The following ADGRV1 variants were observed in gnomAD, a reference collection of about 807,000 sequenced individuals.
The protein encoded by ADGRV1 is G-protein coupled receptor 98.
Under a neutral mutation model 596.2 loss-of-function variants are expected in ADGRV1, and 359 were observed. The ratio of observed to expected loss-of-function variants is 0.60; its 90% CI spans 0.55 to 0.66. The LOEUF is 0.66. Ranked by LOEUF, ADGRV1 falls within the 30% of genes least tolerant of loss-of-function variation. ADGRV1 has a pLI of 0.00. For missense variants in ADGRV1, 7,274 were observed against 7,575.6 expected (o/e 0.96, Z 1.48); for synonymous variants, 2,681 against 2,679.2 (o/e 1.00, Z -0.02).
chr5:90,690,123 G>C, intron 30 of ADGRV1, 47 bp downstream of exon 30: 1 of 1,064,290 alleles, frequency 9.4e-7, no homozygotes, highest in Non-Finnish European at 1.4e-6. Flanking sequence ...TGCATGTATA[G>C]ATCATAGATA....
intron 17 of ADGRV1, among the ~76,000 whole-genome samples, chr5:90,649,885 A>G (rs558548143): frequency 2.6e-5 from 4 of 152,308 alleles, no homozygotes; most frequent in African/African-American, 9.6e-5. Flanking sequence ...AGAGAGAGAG[A>G]GAGGGAGAAC....
intron 87 of ADGRV1, among the ~76,000 whole-genome samples, chr5:91,119,641 A>G (rs1292443206): frequency 6.6e-6 from 1 of 152,226 alleles, no homozygotes; most frequent in African/African-American, 2.4e-5. Flanking sequence ...AACTTTTCTT[A>G]TCTTGACTTC....
In ADGRV1 at chr5:90,614,940, T is replaced by C; in HGVS notation, c.128T>C (p.Val43Ala). ...IRFTGQTEFV[V>A]NETSTTVIRL... ...TTTACTGGACAAACTGAATTTGTTG[T>C]TAATGAAACAAGTACAACAGTTATT... The change falls in exon 2 of 90, where the codon GTT becomes GCT. Residue 43 changes from valine (V) to alanine (A), a missense_variant. By Grantham distance (64) the Val-to-Ala change is moderately conservative (BLOSUM62 0). Transcript: ENST00000405460. The C allele has an allele frequency of 6.3e-7, 1 of 1,598,248 alleles. No individual in the cohort carries two copies. The highest frequency in any genetic ancestry group is 1.7e-4 in the Middle Eastern group (1 of 5,992).
At chr5:90,858,375 C>T (rs114324019) in intron 82 of ADGRV1, among the ~76,000 whole-genome samples, 1,636 of 152,272 alleles carry the variant, frequency 0.011, 32 homozygotes, top group African/African-American at 0.037. Context: ...CCTACTCTGC[C>T]TTCCCATAAC....
chr5:90,928,429 C>T (rs1774766187), intron 83 of ADGRV1, among the ~76,000 whole-genome samples: 1 of 150,922 alleles, frequency 6.6e-6, no homozygotes, highest in South Asian at 2.1e-4. Flanking sequence ...CGCATCGGCT[C>T]CTGAGGCTTC....
intron 87 of ADGRV1, among the ~76,000 whole-genome samples, chr5:91,133,639 G>A (rs369222005): frequency 6.6e-6 from 1 of 152,196 alleles, no homozygotes; most frequent in East Asian, 1.9e-4. Flanking sequence ...GGACGACAAT[G>A]TTACAAAGAC....
intron 83 of ADGRV1, among the ~76,000 whole-genome samples, chr5:90,956,356 C>T (rs1554172284): frequency 2.6e-5 from 4 of 152,014 alleles, no homozygotes; most frequent in Non-Finnish European, 5.9e-5. Flanking sequence ...TGTTCAACAA[C>T]AATAATGACA....
chr5:91,148,435 C>A (rs1461262145), intron 87 of ADGRV1, among the ~76,000 whole-genome samples: 1 of 152,198 alleles, frequency 6.6e-6, no homozygotes, highest in Non-Finnish European at 1.5e-5. Flanking sequence ...GGCCATTGCA[C>A]CAGAGGGTGC....
At chr5:91,102,075 C>A in intron 86 of ADGRV1, 144 bp from the exon 87 acceptor site, 1 of 712,526 alleles carries the variant, frequency 1.4e-6, no homozygotes, top group South Asian at 2.0e-5. Context: ...GTGCCTTCTC[C>A]CCTCTGGCAT....
At chr5:90,857,962 A>G (rs1170841727) in intron 82 of ADGRV1, among the ~76,000 whole-genome samples, 2 of 152,160 alleles carry the variant, frequency 1.3e-5, no homozygotes, top group Non-Finnish European at 2.9e-5. Context: ...GTAGATCACA[A>G]TGTATCGGTA....
intron 87 of ADGRV1, among the ~76,000 whole-genome samples, chr5:91,106,939 G>C (rs551262479): frequency 6.6e-6 from 1 of 152,308 alleles, no homozygotes; most frequent in South Asian, 2.1e-4. Context: ...AGCTCAAGAG[G>C]ACGCAATGCC....
chr5:90,645,818 A>G, intron 15 of ADGRV1, 150 bp from the exon 16 acceptor site: 2 of 471,742 alleles, frequency 4.2e-6, no homozygotes, highest in Non-Finnish European at 6.8e-6. Flanking sequence ...GTCTTACCTG[A>G]ATGTGTTAGG....
chr5:90,928,035 C>T (rs1410517413), intron 83 of ADGRV1, among the ~76,000 whole-genome samples: 3 of 152,194 alleles, frequency 2.0e-5, no homozygotes, highest in African/African-American at 7.2e-5. Flanking sequence ...TTGAGGGTAA[C>T]CCGACCTTTC....
chr5:90,604,504 G>A (rs1335166602), intron 1 of ADGRV1, among the ~76,000 whole-genome samples: 1 of 152,178 alleles, frequency 6.6e-6, no homozygotes, highest in African/African-American at 2.4e-5. Flanking sequence ...GTTGTTTTCA[G>A]TGAGATCTTA....
intron 83 of ADGRV1, among the ~76,000 whole-genome samples, chr5:90,883,346 T>C (rs1769975055): frequency 6.6e-6 from 1 of 152,182 alleles, no homozygotes; most frequent in Admixed American, 6.5e-5. Flanking sequence ...GCAGCAAATA[T>C]GTATTGATCC....
chr5:90,891,611 A>C (rs1431928003), intron 83 of ADGRV1, among the ~76,000 whole-genome samples: 3 of 151,936 alleles, frequency 2.0e-5, no homozygotes, highest in Non-Finnish European at 2.9e-5. Flanking sequence ...AAAACAATAA[A>C]ATATCCTATA....
At position 90,647,643 on chromosome 5, in the gene ADGRV1, A is replaced by C. The variant is rs746968764; in HGVS notation, c.3168A>C (p.Glu1056Asp). ...GAGAGAGAGATTTCATTCCTGTTGA[A>C]AAAGGAGAAACGCTCATTTTTGAGG... ...TARERDFIPV[E>D]KGETLIFEVG... The change falls in exon 17 of 90, where the codon GAA becomes GAC. Residue 1056 changes from glutamate to aspartate, a missense_variant. Physicochemically the swap from Glu to Asp is conservative, Grantham distance 45. Coordinates refer to ENST00000405460, the MANE Select transcript of ADGRV1 (RefSeq NM_032119.4). 28 of 1,613,874 alleles carry C rather than the reference A, an allele frequency of 1.7e-5. No homozygotes were observed. The highest frequency in any genetic ancestry group is 2.4e-5 in the Non-Finnish European group (28 of 1,179,892).
rs1768785844 is a variant in ADGRV1 at position 90,652,519 on chromosome 5, C to T, written c.3590C>T (p.Pro1197Leu). 2 of 1,612,262 alleles carry T rather than the reference C, an allele frequency of 1.2e-6. No individual in the cohort carries two copies. Among genetic ancestry groups the T allele is most frequent in the African/African-American group, 1.3e-5 (1 of 74,866 alleles). Residue 1197 changes from proline (P) to leucine (L), a missense_variant, in exon 19 of 90, where the codon CCT becomes CTT. Around this residue, in one of 5 missense-constraint regions of ADGRV1, gnomAD observed 1,715 missense variants for 1,708.8 expected, o/e 1.00. Transcript: ENST00000405460. Reference sequence around the variant, plus strand: ...CTCCATGCTTTTCCAGATAAAATTCCTGAATTCAATGAATTTTATTTCCTA... The same window carrying T: ...CTCCATGCTTTTCCAGATAAAATTCTTGAATTCAATGAATTTTATTTCCTA... Reference protein sequence around the residue: ...IILHAFPDKIPEFNEFYFLKL... With the variant: ...IILHAFPDKILEFNEFYFLKL...
At chr5:91,093,208 G>T (rs774734150) in intron 86 of ADGRV1, among the ~76,000 whole-genome samples, 4 of 152,216 alleles carry the variant, frequency 2.6e-5, no homozygotes, top group South Asian at 4.1e-4. Flanking sequence ...GCTCAAAAGT[G>T]ATAGAATTGG....
Sources: allele counts gnomAD v4.1 joint callset (sites outside exome capture counted in the v4.1 genomes callset), GRCh38; gene constraint gnomAD v4.1.1; regional missense constraint gnomAD v4.1.1; transcripts MANE v1.5; gene names NCBI Gene and HGNC (gene_info 2026-07-23, HGNC 2026-07-21).